CCDC33: variants seen among roughly 807,000 people sequenced by gnomAD.
CCDC33 encodes the protein coiled-coil domain-containing protein 33.
In CCDC33, 94 loss-of-function variants were observed where a neutral mutation model predicts 91.9. The ratio of observed to expected loss-of-function variants is 1.02; its 90% CI spans 0.87 to 1.21. The LOEUF is 1.21. Among genes scored for constraint, CCDC33 ranks in the 50% most tolerant of loss-of-function variants. The pLI is 0.00. For synonymous variants in CCDC33, 396 were observed against 374.5 expected (o/e 1.06, Z -0.66); for missense variants, 940 against 935.5 (o/e 1.00, Z -0.06).
chr15:74,267,662 G>A (rs533877735), intron 4 of CCDC33, among the ~76,000 whole-genome samples: 1 of 152,192 alleles, frequency 6.6e-6, no homozygotes, highest in South Asian at 2.1e-4. Context: ...ACAATGTGAA[G>A]CCAGACTGTC....
At chr15:74,211,393 CTTTTTTTTTT>C (rs34963230) in intron 2 of CCDC33, among the ~76,000 whole-genome samples, 1 of 73,902 alleles carries the variant, frequency 1.4e-5, no homozygotes, top group East Asian at 4.4e-4. Flanking sequence ...CTGCCCCTGG[CTTTTTTTTTT>C]TTTTTTTTTT....
chr15:74,307,833 A>G (rs866084825), intron 11 of CCDC33, among the ~76,000 whole-genome samples: 8 of 152,088 alleles, frequency 5.3e-5, no homozygotes, highest in Middle Eastern at 3.2e-3. Context: ...ACCTCAAAGA[A>G]TTCTCAGCTT....
At chr15:74,314,994 C>G (rs933684473) in intron 11 of CCDC33, among the ~76,000 whole-genome samples, 2 of 152,216 alleles carry the variant, frequency 1.3e-5, no homozygotes, top group African/African-American at 4.8e-5. Flanking sequence ...TCCCATCCCC[C>G]ACCCCCGTGT....
chr15:74,255,527 GC>G (rs1411190818), intron 2 of CCDC33, among the ~76,000 whole-genome samples: 5 of 152,258 alleles, frequency 3.3e-5, no homozygotes, highest in Non-Finnish European at 7.3e-5. Context: ...AGTGGGCATG[GC>G]CCCCTCCCTC....
intron 2 of CCDC33, among the ~76,000 whole-genome samples, chr15:74,229,778 C>T (rs1229798146): frequency 1.3e-5 from 2 of 152,208 alleles, no homozygotes; most frequent in African/African-American, 2.4e-5. Flanking sequence ...CTCACTCATA[C>T]ATCAAGCACC....
intron 16 of CCDC33, chr15:74,333,156 C>G: frequency 1.5e-6 from 2 of 1,373,852 alleles, no homozygotes; most frequent in South Asian, 2.5e-5. Flanking sequence ...ACAGGCCTCT[C>G]AAAACTCCCT....
At chr15:74,215,133 G>A (rs2074406256), upstream of CCDC33, among the ~76,000 whole-genome samples, 1 of 152,198 alleles carries the variant, frequency 6.6e-6, no homozygotes, top group Admixed American at 6.5e-5. Flanking sequence ...TCTGCAGGAT[G>A]AGTAGGGCTG....
intron 2 of CCDC33, among the ~76,000 whole-genome samples, chr15:74,254,471 C>A (rs183879965): frequency 2.0e-5 from 3 of 152,248 alleles, no homozygotes; most frequent in Non-Finnish European, 4.4e-5. Context: ...CTCAACCCAA[C>A]TCGGACACCA....
chr15:74,289,311 G>A (rs1262138240), intron 10 of CCDC33, among the ~76,000 whole-genome samples: 1 of 152,220 alleles, frequency 6.6e-6, no homozygotes, highest in African/African-American at 2.4e-5. Flanking sequence ...GCCCTGAGTT[G>A]GGGGCTGTGG....
In CCDC33 at chr15:74,288,993, G is replaced by A. The variant is rs554097987; in HGVS notation, c.1096-6761G>A. Among the ~76,000 whole-genome samples the A allele has an allele frequency of 2.6e-5, 4 of 152,248 alleles. No homozygotes were observed. In the East Asian group the frequency reaches 7.7e-4, roughly 29 times the overall value. On this transcript the variant is annotated intron_variant, in intron 10 of 18. Transcript: ENST00000398814. ...AGTGTCCTGCAGATGCTCGGTAAAG[G>A]GATCTCTTAGTGTCTTTCACCCAGG...
chr15:74,334,115 C>A, intron 17 of CCDC33, 148 bp downstream of exon 17: 2 of 645,100 alleles, frequency 3.1e-6, no homozygotes, highest in Non-Finnish European at 5.2e-6. Flanking sequence ...AGTGTGCAAC[C>A]AGGGTCAGGG....
chr15:74,282,358 G>A (rs931240990), intron 10 of CCDC33, among the ~76,000 whole-genome samples: 5 of 152,162 alleles, frequency 3.3e-5, no homozygotes, highest in African/African-American at 7.2e-5. Flanking sequence ...CTCACATCCC[G>A]GTCTCCTTGC....
At chr15:74,335,607 C>T (rs112175160) in intron 18 of CCDC33, 81 of 362,964 alleles carry the variant, frequency 2.2e-4, no homozygotes, top group African/African-American at 1.6e-3. Flanking sequence ...AAGCAAAGAC[C>T]CTGACTTCTC....
At chr15:74,326,720 G>A (rs570152067) in intron 11 of CCDC33, among the ~76,000 whole-genome samples, 18 of 152,240 alleles carry the variant, frequency 1.2e-4, no homozygotes, top group Non-Finnish European at 2.6e-4. Flanking sequence ...TCCTTCTAGA[G>A]GAGGCTAAGC....
downstream of CCDC33, chr15:74,336,305 G>A (rs1311291030): frequency 3.6e-6 from 5 of 1,406,850 alleles, no homozygotes; most frequent in Non-Finnish European, 3.8e-6. Flanking sequence ...GGACCCAGGA[G>A]GGTGGAGAGA....
intron 2 of CCDC33, among the ~76,000 whole-genome samples, chr15:74,253,660 C>T (rs1031607565): frequency 6.6e-6 from 1 of 151,944 alleles, no homozygotes; most frequent in African/African-American, 2.4e-5. Flanking sequence ...GCAGTGGAGC[C>T]GGGAGCCAGA....
intron 7 of CCDC33, among the ~76,000 whole-genome samples, chr15:74,279,654 A>G (rs2930298): frequency 0.51 from 77,957 of 151,664 alleles, 24,737 homozygotes; most frequent in Non-Finnish European, 0.71. Context: ...CTCCTGCCTC[A>G]GCCTCCTGGG....
intron 2 of CCDC33, among the ~76,000 whole-genome samples, chr15:74,256,305 G>C (rs935032104): frequency 6.6e-6 from 1 of 152,200 alleles, no homozygotes. Context: ...AGTTAAGCAG[G>C]GAATGAGAAT....
At chr15:74,249,503 AAAT>A (rs144460079) in intron 2 of CCDC33, among the ~76,000 whole-genome samples, 49,073 of 151,328 alleles carry the variant, frequency 0.32, 8,705 homozygotes, top group East Asian at 0.54. Flanking sequence ...AATAATAAAA[AAAT>A]AAAAACAACT....
Sources: allele counts gnomAD v4.1 joint callset (sites outside exome capture counted in the v4.1 genomes callset), GRCh38; gene constraint gnomAD v4.1.1; transcripts MANE v1.5; gene names NCBI Gene and HGNC (gene_info 2026-07-23, HGNC 2026-07-21).